The following CDH6 variants were observed in gnomAD, a reference collection of about 807,000 sequenced individuals.
CDH6 encodes the protein cadherin-6.
A neutral mutation model predicts 78.0 loss-of-function variants in CDH6; 31 were observed. That is an observed-to-expected ratio of 0.40 (90% CI 0.30 to 0.54). The LOEUF (loss-of-function observed/expected upper bound fraction) is 0.54. Ranked by LOEUF, CDH6 falls within the 20% of genes least tolerant of loss-of-function variation. The probability of loss-of-function intolerance (pLI) is 0.56; values close to 1 mark genes in which losing one functional copy is unlikely to be tolerated. For missense variants in CDH6, 724 were observed against 975.9 expected, an observed-to-expected ratio of 0.74 and a Z score of 3.44; for synonymous variants, 376 against 368.8, an observed-to-expected ratio of 1.02 and a Z score of -0.23.
chr5:31,215,157 T>G (rs938983454), intron 1 of CDH6, among the ~76,000 whole-genome samples: 5 of 152,202 alleles, frequency 3.3e-5, no homozygotes, highest in African/African-American at 1.2e-4. Context: ...CTTAATTACT[T>G]TTTAATCCTT....
At chr5:31,316,136 A>C in intron 8 of CDH6, 72 bp from the exon 9 acceptor site, 1 of 1,504,156 alleles carries the variant, frequency 6.6e-7, no homozygotes, top group South Asian at 1.3e-5. Context: ...GAAGGAGTTG[A>C]GCGGATGTTG....
chr5:31,202,525 T>C (rs1253834104), intron 1 of CDH6, among the ~76,000 whole-genome samples: 2 of 151,864 alleles, frequency 1.3e-5, no homozygotes, highest in Non-Finnish European at 2.9e-5. Flanking sequence ...TAATCCCAGC[T>C]ACTCAGGAGG....
At chr5:31,253,519 G>C (rs4379209) in intron 1 of CDH6, among the ~76,000 whole-genome samples, 1 of 151,896 alleles carries the variant, frequency 6.6e-6, no homozygotes, top group Admixed American at 6.6e-5. Context: ...TTTATTAGCA[G>C]AGTGAGAACA....
intron 1 of CDH6, among the ~76,000 whole-genome samples, chr5:31,200,302 G>C (rs959282691): frequency 1.3e-5 from 2 of 151,960 alleles, no homozygotes; most frequent in Admixed American, 1.3e-4. Context: ...TAGCTAAAAT[G>C]ACACCTGTTC....
At chr5:31,260,597 CA>C (rs1207206534) in intron 1 of CDH6, among the ~76,000 whole-genome samples, 1 of 152,148 alleles carries the variant, frequency 6.6e-6, no homozygotes, top group Non-Finnish European at 1.5e-5. Context: ...GATTTCAGAA[CA>C]AGGGCAATCC....
chr5:31,313,988 TA>T (rs949978862), intron 8 of CDH6, among the ~76,000 whole-genome samples: 3 of 152,132 alleles, frequency 2.0e-5, no homozygotes, highest in Non-Finnish European at 4.4e-5. Context: ...AAGTAATCAG[TA>T]AAATGATTAG....
chr5:31,271,457 G>C (rs1396092915), intron 2 of CDH6, among the ~76,000 whole-genome samples: 3 of 152,196 alleles, frequency 2.0e-5, no homozygotes, highest in African/African-American at 7.2e-5. Context: ...CCAGTGAGAT[G>C]AATGCAGAGA....
At chr5:31,256,488 C>T (rs1742058327) in intron 1 of CDH6, among the ~76,000 whole-genome samples, 1 of 152,202 alleles carries the variant, frequency 6.6e-6, no homozygotes, top group Admixed American at 6.5e-5. Flanking sequence ...GTAACTCCGA[C>T]TCCATGGAGA....
In CDH6 at chr5:31,322,857, A is replaced by T. The variant is rs749097970; in HGVS notation, c.1922A>T (p.Lys641Ile). ...VLFAALRRQR[K>I]KEPLIISKED... ...TTTGCAGCTCTGAGGCGGCAGCGAA[A>T]AAAAGAGCCTTTGATCATTTCCAAA... The change falls in exon 12 of 12, where the codon AAA becomes ATA. Residue 641 changes from lysine to isoleucine, a missense_variant. Lys to Ile is a moderately radical substitution (Grantham distance 102). Transcript: ENST00000265071. The T allele has an allele frequency of 3.7e-6, 6 of 1,614,014 alleles. No homozygotes were observed. The South Asian group carries it at 6.6e-5, about 18-fold the overall frequency.
intron 1 of CDH6, among the ~76,000 whole-genome samples, chr5:31,264,753 G>C (rs1742295313): frequency 6.6e-6 from 1 of 152,124 alleles, no homozygotes; most frequent in Non-Finnish European, 1.5e-5. Context: ...GATACAAAAA[G>C]AACTGGGTTG....
intron 6 of CDH6, 36 bp from the exon 7 acceptor site, chr5:31,305,138 A>T (rs1171319240): frequency 6.3e-7 from 1 of 1,585,902 alleles, no homozygotes; most frequent in East Asian, 2.2e-5. Context: ...TGGCTGCTTT[A>T]AATATGTCAC....
intron 1 of CDH6, among the ~76,000 whole-genome samples, chr5:31,218,919 A>C (rs532599808): frequency 9.2e-5 from 14 of 152,176 alleles, no homozygotes; most frequent in African/African-American, 3.1e-4. Context: ...GTCACATTTA[A>C]CTTCTTTCCT....
chr5:31,325,456 A>G lies in CDH6; in HGVS notation c.*2148A>G. The G allele has an allele frequency of 4.3e-6, 1 of 232,024 alleles. No homozygotes were observed. The highest frequency in any genetic ancestry group is 8.5e-6 in the Non-Finnish European group (1 of 117,304). The allele number at this position is 232,024 out of a possible 1,614,324, so 14.4% of individuals were successfully genotyped here. A position where few individuals can be genotyped will look rare whatever the true frequency, so the allele number is the denominator to read the frequency against. On this transcript the variant is annotated 3_prime_UTR_variant, in exon 12 of 12. Coordinates refer to ENST00000265071, the MANE Select transcript of CDH6 (RefSeq NM_004932.4). ...AAAAAGCTTAGTAAAGTTAGAAGCTACTTACTCATAGCAATAGAACAGCAC... is the reference window on the plus strand; with the variant it reads ...AAAAAGCTTAGTAAAGTTAGAAGCTGCTTACTCATAGCAATAGAACAGCAC...
At chr5:31,292,852 C>T (rs961367923) in intron 2 of CDH6, among the ~76,000 whole-genome samples, 1 of 8,798 alleles carries the variant, frequency 1.1e-4, no homozygotes, top group African/African-American at 1.8e-4. Flanking sequence ...TATATGTGTG[C>T]ATATATATAT....
intron 4 of CDH6, among the ~76,000 whole-genome samples, chr5:31,297,713 G>A (rs1398699793): frequency 6.6e-6 from 1 of 152,176 alleles, no homozygotes; most frequent in Admixed American, 6.6e-5. Flanking sequence ...CCTGTTTACA[G>A]ATATTCAGAA....
intron 7 of CDH6, among the ~76,000 whole-genome samples, chr5:31,309,771 G>C (rs1738092543): frequency 6.6e-6 from 1 of 152,162 alleles, no homozygotes. Context: ...CATAGCAGAA[G>C]GAGAAGAGGG....
chr5:31,239,819 G>A (rs186888774), intron 1 of CDH6, among the ~76,000 whole-genome samples: 25 of 152,228 alleles, frequency 1.6e-4, no homozygotes, highest in Admixed American at 1.4e-3. Flanking sequence ...TTTAGTACAG[G>A]GATGAAACAT....
chr5:31,292,830 T>TATATATATATGTGTGC (rs1737429307), intron 2 of CDH6, among the ~76,000 whole-genome samples: 6 of 13,414 alleles, frequency 4.5e-4, no homozygotes, highest in Admixed American at 1.4e-3. Flanking sequence ...TGCATATATA[T>TATATATATATGTGTGC]ATATATATAT....
At chr5:31,268,340 G>A (rs1430928201) in intron 2 of CDH6, among the ~76,000 whole-genome samples, 4 of 152,154 alleles carry the variant, frequency 2.6e-5, no homozygotes, top group African/African-American at 7.2e-5. Flanking sequence ...CTTATGTAAA[G>A]GTACTCTTTC....
Sources: allele counts gnomAD v4.1 joint callset (sites outside exome capture counted in the v4.1 genomes callset), GRCh38; gene constraint gnomAD v4.1.1; transcripts MANE v1.5; gene names NCBI Gene and HGNC (gene_info 2026-07-23, HGNC 2026-07-21).